Variants in MGST1 observed in about 807,000 individuals in gnomAD.
MGST1 encodes the protein glutathione S-transferase 12.
A neutral mutation model predicts 8.9 loss-of-function variants in MGST1; 5 were observed. The observed-to-expected ratio is 0.56, with a 90% confidence interval of 0.29 to 1.19. MGST1 has a LOEUF of 1.19. Among genes scored for constraint, MGST1 ranks in the 50% most tolerant of loss-of-function variants. The pLI is 0.08. For missense variants in MGST1, 182 were observed against 187.4 expected, an observed-to-expected ratio of 0.97 and a Z score of 0.17; for synonymous variants, 54 against 67.8, an observed-to-expected ratio of 0.80 and a Z score of 1.00.
chr12:16,430,495 G>C (rs543051170), intron 1 of MGST1, among the ~76,000 whole-genome samples: 1 of 152,068 alleles, frequency 6.6e-6, no homozygotes, highest in Non-Finnish European at 1.5e-5. Context: ...TCTTTGATCC[G>C]TGGGCTGCAG....
At chr12:16,519,595 A>G (rs1207296705) in intron 4 of MGST1, among the ~76,000 whole-genome samples, 3 of 151,898 alleles carry the variant, frequency 2.0e-5, no homozygotes, top group African/African-American at 7.3e-5. Flanking sequence ...CTCTATATAT[A>G]TTGTGTATAT....
In MGST1 at chr12:16,401,153, T is replaced by C; in HGVS notation, n.778+17549T>C. The C allele has an allele frequency of 9.0e-6, 14 of 1,562,852 alleles. No individual in the cohort carries two copies. The highest frequency in any genetic ancestry group is 1.7e-5 in the Admixed American group (1 of 59,792). ...AGGAAAATACCCACATTCTTCACTT[T>C]CTTCTTCACAGAAGTGAGAACAGTA... On this transcript the variant is annotated intron_variant and non_coding_transcript_variant, in intron 1 of 1. Transcript: ENST00000359720. This position sits in a 1 kb window ranked among gnomAD's most constrained non-coding sequence, Gnocchi z 4.3.
At chr12:16,395,585 C>T (rs1269390052) in intron 1 of MGST1, among the ~76,000 whole-genome samples, 1 of 151,714 alleles carries the variant, frequency 6.6e-6, no homozygotes, top group African/African-American at 2.4e-5. Flanking sequence ...CCCACTTCCC[C>T]CAAGTCCCCA....
intron 4 of MGST1, among the ~76,000 whole-genome samples, chr12:16,583,548 G>A (rs546022775): frequency 8.1e-4 from 124 of 152,242 alleles, no homozygotes; most frequent in African/African-American, 2.8e-3. Flanking sequence ...GAAGGAATAG[G>A]AAGACCTCAT....
At chr12:16,485,117 T>C (rs2137149755) in intron 4 of MGST1, among the ~76,000 whole-genome samples, 1 of 152,314 alleles carries the variant, frequency 6.6e-6, no homozygotes, top group East Asian at 1.9e-4. Context: ...TTGACCACCT[T>C]CCCCCTCTTA....
intron 4 of MGST1, chr12:16,550,763 A>G (rs1941958996): frequency 1.3e-5 from 2 of 153,462 alleles, no homozygotes; most frequent in African/African-American, 4.8e-5. Context: ...TCTTTACTAG[A>G]AAGTTACAGC....
intron 4 of MGST1, among the ~76,000 whole-genome samples, chr12:16,475,412 T>C (rs543412255): frequency 3.9e-5 from 6 of 152,324 alleles, no homozygotes; most frequent in Non-Finnish European, 5.9e-5. Context: ...TTTTAAAACA[T>C]ACTTTTTAAA....
At chr12:16,400,173 C>T (rs1003698450) in intron 1 of MGST1, 11 of 1,193,874 alleles carry the variant, frequency 9.2e-6, no homozygotes, top group Admixed American at 5.0e-5. Context: ...GTTGATGTTT[C>T]CCTAAGTCCG....
chr12:16,395,617 T>C (rs1940596919), intron 1 of MGST1, among the ~76,000 whole-genome samples: 1 of 151,830 alleles, frequency 6.6e-6, no homozygotes. Context: ...ATCATTTTTA[T>C]GACTTTGAAT....
chr12:16,587,193 A>G lies in MGST1; in HGVS notation n.483-2335A>G, dbSNP rs1193979431. On this transcript the variant is annotated intron_variant and non_coding_transcript_variant, in intron 4 of 4. Coordinates refer to the MGST1 transcript ENST00000538857. This position sits in a 1 kb window ranked among gnomAD's most constrained non-coding sequence, Gnocchi z 4.3. Reference sequence around the variant, plus strand: ...TCAATCTCAAATATATTCATAAGCTACACACACGAAAATGAAATGAACAAA... The same window carrying G: ...TCAATCTCAAATATATTCATAAGCTGCACACACGAAAATGAAATGAACAAA... Among the ~76,000 whole-genome samples, 1 of 152,178 alleles carries G rather than the reference A, an allele frequency of 6.6e-6. No homozygotes were observed. The highest frequency in any genetic ancestry group is 2.4e-5 in the African/African-American group (1 of 41,454).
rs138552737 is a variant in MGST1, at chr12:16,471,311, A to G, written n.482+87707A>G. Among the ~76,000 whole-genome samples, 153 of 152,366 alleles carry G rather than the reference A, an allele frequency of 1.0e-3. 1 individual carries two copies. In the Middle Eastern group the frequency reaches 0.017, roughly 17 times the overall value. ...AACCGCAAAAATATGCAACGTGGGC[A>G]CAACCCATTTTGCGGGGAATAATTA... On this transcript the variant is annotated intron_variant and non_coding_transcript_variant, in intron 4 of 4. Coordinates refer to the MGST1 transcript ENST00000538857.
intron 4 of MGST1, among the ~76,000 whole-genome samples, chr12:16,461,868 C>T (rs755711128): frequency 6.6e-6 from 1 of 152,052 alleles, no homozygotes; most frequent in Non-Finnish European, 1.5e-5. Context: ...TGTATTATCC[C>T]CAACCACCTT....
chr12:16,435,942 TAG>T (rs1565454376), intron 1 of MGST1, among the ~76,000 whole-genome samples: 2 of 151,748 alleles, frequency 1.3e-5, no homozygotes, highest in African/African-American at 4.8e-5. Flanking sequence ...ATTGAAAATA[TAG>T]AGTCTGTATG....
At chr12:16,540,409 A>G (rs1339572541) in intron 4 of MGST1, among the ~76,000 whole-genome samples, 1 of 152,096 alleles carries the variant, frequency 6.6e-6, no homozygotes, top group African/African-American at 2.4e-5. Context: ...AGTAGCTGGG[A>G]TTATAGGTGC....
intron 4 of MGST1, among the ~76,000 whole-genome samples, chr12:16,487,893 A>C (rs1386609839): frequency 6.6e-6 from 1 of 152,196 alleles, no homozygotes; most frequent in African/African-American, 2.4e-5. Context: ...TATTATTTAC[A>C]GTTACAAAAG....
chr12:16,467,518 T>G (rs1941264062), intron 4 of MGST1, among the ~76,000 whole-genome samples: 1 of 152,166 alleles, frequency 6.6e-6, no homozygotes, highest in African/African-American at 2.4e-5. Flanking sequence ...TTTCCCCCAG[T>G]CAGCTAAGAA....
rs1940730512 is a variant in MGST1 at position 16,410,109 on chromosome 12, G to C, written n.778+26505G>C. Among the ~76,000 whole-genome samples the C allele has an allele frequency of 6.6e-6, 1 of 152,140 alleles. No individual in the cohort carries two copies. Among genetic ancestry groups the C allele is most frequent in the African/African-American group, 2.4e-5 (1 of 41,436 alleles). ...TGCTGTTCATAATCTGCAAGGGTCT[G>C]AGTAATGAAGTTTAAGTTTGTCAGG... is the stretch of plus-strand genomic sequence containing the variant. On this transcript the variant is annotated intron_variant and non_coding_transcript_variant, in intron 1 of 1. Coordinates refer to the MGST1 transcript ENST00000359720. The surrounding 1 kb of genome is among the most constrained non-coding windows in gnomAD (Gnocchi z 4.4).
At chr12:16,400,646 G>A in intron 1 of MGST1, 1 of 1,488,326 alleles carries the variant, frequency 6.7e-7, no homozygotes, top group Non-Finnish European at 9.4e-7. Context: ...TTTGACAAAA[G>A]TCGCTTCAGG....
intron 1 of MGST1, among the ~76,000 whole-genome samples, chr12:16,387,199 A>G (rs1036961606): frequency 2.6e-5 from 4 of 152,026 alleles, no homozygotes; most frequent in East Asian, 1.9e-4. Flanking sequence ...TATAAATGGG[A>G]AAAAAAACAG....
Sources: gnomAD v4.1 joint callset for allele counts (sites outside exome capture counted in the v4.1 genomes callset) on GRCh38, gnomAD v4.1.1 for gene constraint, Gnocchi (gnomAD v3.1) non-coding constraint, MANE v1.5 for transcripts, NCBI Gene and HGNC (gene_info 2026-07-23, HGNC 2026-07-21) for gene names.